SLC4A10: variants seen among roughly 807,000 people sequenced by gnomAD.
SLC4A10 encodes the protein sodium-driven chloride bicarbonate exchanger.
Under a neutral mutation model 137.7 loss-of-function variants are expected in SLC4A10, and 42 were observed. The ratio of observed to expected loss-of-function variants is 0.30; its 90% CI spans 0.24 to 0.39. The LOEUF (loss-of-function observed/expected upper bound fraction) is 0.39, where lower values mean the gene tolerates loss of function less well. Among genes scored for constraint, SLC4A10 ranks in the 10% least tolerant of loss-of-function variants. SLC4A10 has a pLI of 1.00. For synonymous variants in SLC4A10, 474 were observed against 464.1 expected (o/e 1.02, Z -0.27); for missense variants, 925 against 1,355.0 (o/e 0.68, Z 4.98).
At chr2:161,798,649 A>G (rs1262591656) in intron 2 of SLC4A10, among the ~76,000 whole-genome samples, 3 of 151,664 alleles carry the variant, frequency 2.0e-5, no homozygotes, top group Non-Finnish European at 4.4e-5. Context: ...AATATGTACA[A>G]ACCTTTGATT....
intron 5 of SLC4A10, among the ~76,000 whole-genome samples, chr2:161,856,515 T>C (rs1444643035): frequency 6.6e-6 from 1 of 151,936 alleles, no homozygotes; most frequent in South Asian, 2.1e-4. Flanking sequence ...AAGTTAAACA[T>C]AAATGTATAA....
chr2:161,688,481 T>C (rs2041664485), intron 1 of SLC4A10, among the ~76,000 whole-genome samples: 1 of 152,200 alleles, frequency 6.6e-6, no homozygotes, highest in Non-Finnish European at 1.5e-5. Flanking sequence ...CCCTGAGGTT[T>C]GATAGTTAAG....
At chr2:161,732,026 C>T (rs1002066554) in intron 1 of SLC4A10, among the ~76,000 whole-genome samples, 5 of 152,076 alleles carry the variant, frequency 3.3e-5, no homozygotes, top group African/African-American at 9.7e-5. Context: ...TGAAGAGATG[C>T]GTAGGGCAAG....
rs1248074559 is a variant in SLC4A10, at chr2:161,834,588, A to T, written c.278-5201A>T. The stretch of plus-strand genomic sequence containing the variant: ...TTCTTCATCAGATGTCTCTGCCTGC[A>T]TTTTGATCATCATTGCTTTTAACCT... On this transcript the variant is annotated intron_variant, in intron 3 of 26. Coordinates refer to ENST00000446997, the MANE Select transcript of SLC4A10 (RefSeq NM_001178015.2). Among the ~76,000 whole-genome samples, 4 of 151,370 alleles carry T rather than the reference A, an allele frequency of 2.6e-5. No homozygotes were observed. The East Asian group carries it at 5.9e-4, about 22-fold the overall frequency.
chr2:161,820,795 G>A (rs62187698), intron 3 of SLC4A10, among the ~76,000 whole-genome samples: 10,114 of 152,134 alleles, frequency 0.066, 442 homozygotes, highest in East Asian at 0.15. Context: ...TTCTCATACC[G>A]ATGAATGAAA....
chr2:161,938,628 C>T (rs1692047265), intron 15 of SLC4A10, among the ~76,000 whole-genome samples: 1 of 150,670 alleles, frequency 6.6e-6, no homozygotes, highest in Non-Finnish European at 1.5e-5. Flanking sequence ...ATATAATTAT[C>T]ATTGAGAAGG....
At chr2:161,978,196 T>A (rs1206136486) in intron 26 of SLC4A10, among the ~76,000 whole-genome samples, 1 of 151,456 alleles carries the variant, frequency 6.6e-6, no homozygotes, top group African/African-American at 2.4e-5. Context: ...ACAAGCTTCG[T>A]CAACATGGTG....
intron 3 of SLC4A10, among the ~76,000 whole-genome samples, chr2:161,815,406 G>T (rs1236729810): frequency 6.6e-6 from 1 of 152,120 alleles, no homozygotes; most frequent in Non-Finnish European, 1.5e-5. Context: ...TGAAGAAGGT[G>T]CCTACTTCTC....
chr2:161,722,825 C>T (rs2045832800), intron 1 of SLC4A10, among the ~76,000 whole-genome samples: 1 of 152,234 alleles, frequency 6.6e-6, no homozygotes, highest in African/African-American at 2.4e-5. Flanking sequence ...CCCACAGGGC[C>T]TCCATCCCAG....
chr2:161,827,105 A>G (rs765222643), intron 3 of SLC4A10, among the ~76,000 whole-genome samples: 2 of 152,174 alleles, frequency 1.3e-5, no homozygotes, highest in Non-Finnish European at 2.9e-5. Context: ...ATCCTTTTAC[A>G]TATTTATTCC....
At chr2:161,907,569 G>A (rs1684743772) in intron 15 of SLC4A10, among the ~76,000 whole-genome samples, 1 of 152,184 alleles carries the variant, frequency 6.6e-6, no homozygotes, top group South Asian at 2.1e-4. Context: ...TGAGTGCCGG[G>A]TTAAGAGGTT....
intron 1 of SLC4A10, among the ~76,000 whole-genome samples, chr2:161,758,246 G>A (rs1213707382): frequency 6.6e-6 from 1 of 151,790 alleles, no homozygotes; most frequent in Non-Finnish European, 1.5e-5. Context: ...TGAGGTTAAA[G>A]AACAATCCTG....
chr2:161,649,107 G>A (rs976277863), intron 1 of SLC4A10, among the ~76,000 whole-genome samples: 16 of 152,146 alleles, frequency 1.1e-4, no homozygotes, highest in Non-Finnish European at 2.1e-4. Context: ...AGTGGCTCAC[G>A]CCTGTAATCC....
At chr2:161,923,109 C>T (rs916981465) in intron 15 of SLC4A10, among the ~76,000 whole-genome samples, 1 of 152,146 alleles carries the variant, frequency 6.6e-6, no homozygotes, top group African/African-American at 2.4e-5. Flanking sequence ...CCTCCATTAG[C>T]CTTGAAACAA....
chr2:161,639,270 A>G (rs2034935156), intron 1 of SLC4A10, among the ~76,000 whole-genome samples: 3 of 152,134 alleles, frequency 2.0e-5, no homozygotes, highest in Admixed American at 2.0e-4. Flanking sequence ...TTCCAAACTC[A>G]TTTGATAAGG....
intron 15 of SLC4A10, among the ~76,000 whole-genome samples, chr2:161,925,163 T>C (rs1263095341): frequency 6.6e-6 from 1 of 151,800 alleles, no homozygotes; most frequent in African/African-American, 2.4e-5. Context: ...AGAGTAGGAG[T>C]TTCCATCTGG....
intron 1 of SLC4A10, among the ~76,000 whole-genome samples, chr2:161,681,544 A>G (rs1332270051): frequency 6.6e-6 from 1 of 152,092 alleles, no homozygotes; most frequent in East Asian, 1.9e-4. Flanking sequence ...TTAGGTCAAA[A>G]ACTTAGTAAC....
chr2:161,678,110 C>A (rs1456378101), intron 1 of SLC4A10, among the ~76,000 whole-genome samples: 1 of 152,140 alleles, frequency 6.6e-6, no homozygotes, highest in Non-Finnish European at 1.5e-5. Context: ...ACAGATACGT[C>A]TTTCCTCATA....
intron 1 of SLC4A10, among the ~76,000 whole-genome samples, chr2:161,671,807 G>T (rs1240090222): frequency 1.3e-5 from 2 of 152,320 alleles, no homozygotes; most frequent in East Asian, 3.9e-4. Flanking sequence ...CTAGGTACTA[G>T]AGGAGACAGA....
Sources: allele counts gnomAD v4.1 joint callset (sites outside exome capture counted in the v4.1 genomes callset), GRCh38; gene constraint gnomAD v4.1.1; transcripts MANE v1.5; gene names NCBI Gene and HGNC (gene_info 2026-07-23, HGNC 2026-07-21).